Variants in TRIM37 observed in about 807,000 individuals in gnomAD.
The protein encoded by TRIM37 is tripartite motif containing 37.
TRIM37 carries 80 observed loss-of-function variants against 129.8 expected under a neutral mutation model. The ratio of observed to expected loss-of-function variants is 0.62; its 90% CI spans 0.51 to 0.74. The LOEUF is 0.74. Among genes scored for constraint, TRIM37 ranks in the 30% least tolerant of loss-of-function variants. The probability of loss-of-function intolerance (pLI) is 0.00; values close to 1 mark genes in which losing one functional copy is unlikely to be tolerated. For missense variants in TRIM37, 1,054 were observed against 1,176.5 expected, an observed-to-expected ratio of 0.90 and a Z score of 1.52; for synonymous variants, 389 against 387.1, an observed-to-expected ratio of 1.00 and a Z score of -0.06.
At chr17:59,072,274 AC>A (rs997562177) in intron 8 of TRIM37, among the ~76,000 whole-genome samples, 1 of 152,170 alleles carries the variant, frequency 6.6e-6, no homozygotes, top group African/African-American at 2.4e-5. Flanking sequence ...TACTGAGAAA[AC>A]AAATTTCTAT....
intron 17 of TRIM37, 46 bp from the exon 18 acceptor site, chr17:59,032,136 C>T (rs1186740252): frequency 1.3e-6 from 2 of 1,580,978 alleles, no homozygotes; most frequent in Non-Finnish European, 1.7e-6. Context: ...ACAAACTTAG[C>T]TATACTTAAA....
chr17:59,104,031 G>A (rs2045772719), intron 2 of TRIM37, among the ~76,000 whole-genome samples: 1 of 152,006 alleles, frequency 6.6e-6, no homozygotes, highest in African/African-American at 2.4e-5. Flanking sequence ...GTCCTCTTCT[G>A]AGCCCCACAG....
intron 2 of TRIM37, among the ~76,000 whole-genome samples, chr17:59,096,693 T>A (rs2044922583): frequency 6.6e-6 from 1 of 152,136 alleles, no homozygotes; most frequent in Non-Finnish European, 1.5e-5. Context: ...TAATCCTGCA[T>A]TTGAAATTAA....
intron 22 of TRIM37, among the ~76,000 whole-genome samples, chr17:59,011,448 T>C (rs1407040361): frequency 6.6e-6 from 1 of 152,202 alleles, no homozygotes; most frequent in African/African-American, 2.4e-5. Context: ...GGCACCTGTA[T>C]GTATGCTTTG....
intron 16 of TRIM37, among the ~76,000 whole-genome samples, chr17:59,043,172 AAAC>A (rs984908259): frequency 9.2e-5 from 14 of 152,308 alleles, no homozygotes; most frequent in Non-Finnish European, 1.9e-4. Context: ...ACTTTATTTT[AAAC>A]AACATACTAC....
intron 6 of TRIM37, 96 bp downstream of exon 6, chr17:59,081,001 C>T (rs2147048381): frequency 2.6e-6 from 2 of 778,762 alleles, no homozygotes; most frequent in Non-Finnish European, 1.7e-6. Context: ...TCTTGAAAAC[C>T]TTGATTTCAA....
intron 14 of TRIM37, among the ~76,000 whole-genome samples, chr17:59,050,271 A>G (rs924976972): frequency 1.3e-5 from 2 of 152,214 alleles, no homozygotes; most frequent in African/African-American, 4.8e-5. Flanking sequence ...AGCTTACCTC[A>G]AACTACAGCC....
intron 16 of TRIM37, among the ~76,000 whole-genome samples, chr17:59,045,799 G>T (rs1284864970): frequency 2.0e-5 from 3 of 151,904 alleles, no homozygotes; most frequent in Non-Finnish European, 4.4e-5. Flanking sequence ...CAGATCACCT[G>T]AAGTCAGGAG....
At chr17:59,094,353 A>C (rs911965499) in intron 2 of TRIM37, among the ~76,000 whole-genome samples, 11 of 152,354 alleles carry the variant, frequency 7.2e-5, no homozygotes, top group Admixed American at 4.6e-4. Context: ...ATTCAATTAA[A>C]AAATCATAAA....
intron 19 of TRIM37, among the ~76,000 whole-genome samples, chr17:59,020,230 CAAAAAAAAAAAAAA>C (rs58159558): frequency 3.4e-4 from 11 of 32,044 alleles, no homozygotes; most frequent in African/African-American, 6.6e-4. Context: ...GACTCTGTCT[CAAAAAAAAAAAAAA>C]AAAAAAAAAA....
chr17:58,980,902 A>AAAT (rs1261596459), downstream of TRIM37: 6 of 1,614,166 alleles, frequency 3.7e-6, no homozygotes, highest in East Asian at 1.3e-4. This position sits in a 1 kb window ranked among gnomAD's most constrained non-coding sequence, Gnocchi z 4.7. Context: ...GTGGGAAGAG[A>AAAT]AATAGGATAA....
At chr17:59,032,518 C>A (rs1398010299) in intron 17 of TRIM37, among the ~76,000 whole-genome samples, 1 of 118,792 alleles carries the variant, frequency 8.4e-6, no homozygotes, top group African/African-American at 3.3e-5. Flanking sequence ...GGCGACAGAG[C>A]GAGACTCCGT....
intron 21 of TRIM37, among the ~76,000 whole-genome samples, chr17:59,013,049 G>A (rs1230982701): frequency 2.0e-5 from 3 of 152,106 alleles, no homozygotes; most frequent in African/African-American, 7.2e-5. Context: ...ACAACTGAAT[G>A]TGAACCTATA....
intron 9 of TRIM37, among the ~76,000 whole-genome samples, chr17:59,070,291 C>T (rs553135122): frequency 2.0e-5 from 3 of 152,220 alleles, no homozygotes; most frequent in South Asian, 2.1e-4. Context: ...TTTTAGTATC[C>T]GGAGATAACA....
intron 17 of TRIM37, among the ~76,000 whole-genome samples, chr17:59,040,249 C>T (rs1324284172): frequency 6.6e-6 from 1 of 151,830 alleles, no homozygotes; most frequent in African/African-American, 2.4e-5. Flanking sequence ...AAAAAAACAC[C>T]CTCATTCTGA....
In TRIM37 at chr17:59,057,035, T is replaced by C; in HGVS notation, c.1039A>G (p.Met347Val). 1 of 1,613,622 alleles carries C rather than the reference T, an allele frequency of 6.2e-7. No homozygotes were observed. Among genetic ancestry groups the C allele is most frequent in the Non-Finnish European group, 8.5e-7 (1 of 1,179,868 alleles). Residue 347 changes from methionine to valine, a missense_variant, in exon 13 of 24, where the codon ATG (methionine) becomes GTG (valine). Met to Val is a conservative substitution (Grantham distance 21). Around this residue, in one of 3 missense-constraint regions of TRIM37, gnomAD observed 752 missense variants for 870.8 expected, o/e 0.86. Transcript: ENST00000262294. Reference sequence around the variant, plus strand: ...GGATCATTACAGGACTGGTGAACCATCTCTACACGATATTCATATCTAAAA... The same window carrying C: ...GGATCATTACAGGACTGGTGAACCACCTCTACACGATATTCATATCTAAAA... ...ETSKYEYRVEMVHQSCNDPTK... is the reference protein window; with the variant it reads ...ETSKYEYRVEVVHQSCNDPTK...
intron 5 of TRIM37, among the ~76,000 whole-genome samples, chr17:59,083,105 G>A (rs1004259963): frequency 1.3e-5 from 2 of 152,024 alleles, no homozygotes; most frequent in African/African-American, 4.8e-5. Flanking sequence ...ACCTATTTAT[G>A]CCAATTGTAC....
intron 11 of TRIM37, among the ~76,000 whole-genome samples, chr17:59,061,567 G>A (rs2041495607): frequency 6.6e-6 from 1 of 151,942 alleles, no homozygotes; most frequent in African/African-American, 2.4e-5. Context: ...ATAAGATTCT[G>A]TCTAGAGATT....
chr17:59,001,366 G>A (rs553866791), intron 23 of TRIM37, among the ~76,000 whole-genome samples: 1 of 151,418 alleles, frequency 6.6e-6, no homozygotes, highest in East Asian at 1.9e-4. Flanking sequence ...CTCATTAGGT[G>A]CAACCAAGCC....
Sources: gnomAD v4.1 joint callset for allele counts (sites outside exome capture counted in the v4.1 genomes callset) on GRCh38, gnomAD v4.1.1 for gene constraint, gnomAD v4.1.1 regional missense constraint, Gnocchi (gnomAD v3.1) non-coding constraint, MANE v1.5 for transcripts, NCBI Gene and HGNC (gene_info 2026-07-23, HGNC 2026-07-21) for gene names.